The following COL4A3 variants were observed in gnomAD, a reference collection of about 807,000 sequenced individuals.
The protein encoded by COL4A3 is collagen alpha-3(IV) chain.
Under a neutral mutation model 217.4 loss-of-function variants are expected in COL4A3, and 135 were observed. The ratio of observed to expected loss-of-function variants is 0.62; its 90% CI spans 0.54 to 0.72. The LOEUF is 0.72. COL4A3 is among the 30% of genes least tolerant of loss of function. COL4A3 has a pLI of 0.00. For missense variants in COL4A3, 1,868 were observed against 2,119.9 expected (o/e 0.88, Z 2.33); for synonymous variants, 690 against 736.3 (o/e 0.94, Z 1.02).
chr2:227,195,044 C>A (rs1219514745), intron 1 of COL4A3, among the ~76,000 whole-genome samples: 1 of 151,854 alleles, frequency 6.6e-6, no homozygotes, highest in Non-Finnish European at 1.5e-5. Flanking sequence ...TATTAATTAC[C>A]CTTTGAGGAA....
At chr2:227,309,443 C>T in intron 50 of COL4A3, 125 bp downstream of exon 50, 2 of 747,948 alleles carry the variant, frequency 2.7e-6, no homozygotes, top group Non-Finnish European at 4.6e-6. Context: ...ATGCCATAGA[C>T]ATTTCCTTGA....
chr2:227,195,911 A>C (rs2066456579), intron 1 of COL4A3, among the ~76,000 whole-genome samples: 1 of 21,090 alleles, frequency 4.7e-5, no homozygotes, highest in South Asian at 1.6e-3. Flanking sequence ...TATTCTTAAC[A>C]AAAAAAGCTT....
chr2:227,220,165 T>TGTGTGTGTGTGTGTG (rs58155070), intron 1 of COL4A3, among the ~76,000 whole-genome samples: 1 of 147,242 alleles, frequency 6.8e-6, no homozygotes, highest in Non-Finnish European at 1.5e-5. Context: ...TGTGTGTGTG[T>TGTGTGTGTGTGTGTG]TTCAGAGACA....
intron 42 of COL4A3, 122 bp from the exon 43 acceptor site, chr2:227,298,560 G>C: frequency 7.2e-7 from 1 of 1,393,220 alleles, no homozygotes; most frequent in Non-Finnish European, 1.0e-6. Context: ...CATGCTCCAG[G>C]GGAAAGAATG....
chr2:227,182,925 A>G (rs927666635), intron 1 of COL4A3, among the ~76,000 whole-genome samples: 8 of 152,212 alleles, frequency 5.3e-5, no homozygotes, highest in African/African-American at 1.4e-4. Flanking sequence ...CAACTACTCT[A>G]ACATTTACTA....
Position 227,309,314 on chromosome 2 carries a change from T to C in COL4A3, c.4751T>C (p.Ile1584Thr). The change falls in exon 50 of 52, where the codon ATC becomes ACC. Residue 1584 changes from isoleucine to threonine, a missense_variant. Ile to Thr is a moderately conservative substitution (Grantham distance 89). This residue lies in a region of COL4A3 where 1,503 missense variants were observed against 1,786.1 expected (regional missense o/e 0.84). Coordinates refer to ENST00000396578, the MANE Select transcript of COL4A3 (RefSeq NM_000091.5). ...TCTCTCTGGAAAGGATTTTCATTCA[T>C]CATGGTGAGGAGAAAAGGAACAGGA... Reference protein sequence around the residue: ...WISLWKGFSFIMFTSAGSEGT... With the variant: ...WISLWKGFSFTMFTSAGSEGT... 6.2e-7 allele frequency: 1 copy of C among 1,611,762 alleles called. No individual in the cohort carries two copies. Among genetic ancestry groups the C allele is most frequent in the Non-Finnish European group, 8.5e-7 (1 of 1,178,032 alleles).
At position 227,248,492 on chromosome 2, in the gene COL4A3, C is replaced by A. The variant is rs2069490815; in HGVS notation, c.518C>A (p.Pro173His). ...EDIELDAKGD[P>H]GLPGAPGPQG... is the part of the protein sequence containing the mutation. ...ATAGAACTTGATGCAAAAGGCGACCCCGGGTTGCCAGGGGCTCCAGGACCC... is the reference window on the plus strand; with the variant it reads ...ATAGAACTTGATGCAAAAGGCGACCACGGGTTGCCAGGGGCTCCAGGACCC... Residue 173 changes from proline to histidine, a missense_variant, in exon 9 of 52, where the codon CCC (proline) becomes CAC (histidine). This residue lies in a region of COL4A3 where 365 missense variants were observed against 333.8 expected (regional missense o/e 1.09). Coordinates refer to ENST00000396578, the MANE Select transcript of COL4A3 (RefSeq NM_000091.5). 1 of 1,613,442 alleles carries A rather than the reference C, an allele frequency of 6.2e-7. No homozygotes were observed. The highest frequency in any genetic ancestry group is 8.5e-7 in the Non-Finnish European group (1 of 1,179,528).
rs1559909513 is a variant in COL4A3, at chr2:227,293,255, G to T, written c.3275G>T (p.Gly1092Val). 6.2e-7 allele frequency: 1 copy of T among 1,613,890 alleles called. No individual in the cohort carries two copies. The highest frequency in any genetic ancestry group is 8.5e-7 in the Non-Finnish European group (1 of 1,180,028). The change falls in exon 38 of 52, where the codon GGA (glycine) becomes GTA (valine). Residue 1092 changes from glycine (G) to valine (V), a missense_variant. Coordinates refer to ENST00000396578, the MANE Select transcript of COL4A3 (RefSeq NM_000091.5). ...KGEMGQPGPP[G>V]HLGPAGPEGA... The stretch of plus-strand genomic sequence containing the variant: ...GAAATGGGGCAACCTGGCCCACCTG[G>T]ACATTTGGGGCCTGCTGGACCTGAG...
chr2:227,252,212 C>CTTTTT (rs72162625), intron 11 of COL4A3, among the ~76,000 whole-genome samples: 7 of 82,834 alleles, frequency 8.5e-5, no homozygotes, highest in African/African-American at 1.3e-4. Flanking sequence ...TTCTTTCTTT[C>CTTTTT]TTTTTTTTTT....
chr2:227,231,224 A>T (rs1285764202), intron 1 of COL4A3, among the ~76,000 whole-genome samples: 1 of 152,196 alleles, frequency 6.6e-6, no homozygotes, highest in Non-Finnish European at 1.5e-5. Flanking sequence ...CAAGCCTTTC[A>T]CAATGGCTCT....
rs2065151365 is a variant in COL4A3 at position 227,164,795 on chromosome 2, G to C, written c.69G>C (p.Ala23=). Residue 23 remains alanine (A), a synonymous_variant, in exon 1 of 52, where the codon GCG becomes GCC. Transcript: ENST00000396578. This position sits in a 1 kb window ranked among gnomAD's most constrained non-coding sequence, Gnocchi z 4.8. Reference sequence around the variant, plus strand: ...CGCTCCTGCTGGTGCTCCTGGCGGCGGCGCCCGCAGCCAGCAAGGTGAGTG... The same window carrying C: ...CGCTCCTGCTGGTGCTCCTGGCGGCCGCGCCCGCAGCCAGCAAGGTGAGTG... ...LLPLLLVLLA[A]APAASKGCVC... 1.3e-6 allele frequency: 2 copies of C among 1,518,952 alleles called. No homozygotes were observed. The highest frequency in any genetic ancestry group is 1.8e-6 in the Non-Finnish European group (2 of 1,140,398). 94.1% of individuals were successfully genotyped at this position (1,518,952 alleles called of 1,614,324 possible). A position where few individuals can be genotyped will look rare whatever the true frequency, so the allele number is the denominator to read the frequency against.
At chr2:227,192,268 G>A (rs1180191868) in intron 1 of COL4A3, among the ~76,000 whole-genome samples, 1 of 152,148 alleles carries the variant, frequency 6.6e-6, no homozygotes, top group Non-Finnish European at 1.5e-5. Flanking sequence ...TTGTGAAGAA[G>A]GCTAAGTTTG....
rs769315462 is a variant in COL4A3 at position 227,267,139 on chromosome 2, C to T, written c.1504+51C>T. On this transcript the variant is annotated intron_variant, in intron 23 of 51. Coordinates refer to ENST00000396578, the MANE Select transcript of COL4A3 (RefSeq NM_000091.5). ...TTTTGCAAGCACAAAAGGGTCAATA[C>T]ACTGGAAGAAAATAAAGGCATTGGA... 3 of 1,299,906 alleles carry T rather than the reference C, an allele frequency of 2.3e-6. No individual in the cohort carries two copies. In the Admixed American group the frequency reaches 5.1e-5, roughly 22 times the overall value. The allele number at this position is 1,299,906 out of a possible 1,614,324, so 80.5% of individuals were successfully genotyped here. A position where few individuals can be genotyped will look rare whatever the true frequency, so the allele number is the denominator to read the frequency against.
At chr2:227,215,385 T>G (rs2067487897) in intron 1 of COL4A3, among the ~76,000 whole-genome samples, 1 of 152,218 alleles carries the variant, frequency 6.6e-6, no homozygotes. Context: ...TATGAGTTGC[T>G]GTAATATTCC....
intron 43 of COL4A3, among the ~76,000 whole-genome samples, chr2:227,299,796 A>T (rs1258410507): frequency 6.6e-6 from 1 of 152,076 alleles, no homozygotes. Flanking sequence ...TCTGTATGGG[A>T]CTCACCTCTA....
intron 1 of COL4A3, chr2:227,221,583 C>T (rs920729550): frequency 6.6e-6 from 1 of 152,178 alleles, no homozygotes; most frequent in Admixed American, 6.5e-5. Flanking sequence ...AAATCACCTC[C>T]TCAGGTGAGC....
chr2:227,227,404 C>A (rs555535698), intron 1 of COL4A3, among the ~76,000 whole-genome samples: 1 of 152,232 alleles, frequency 6.6e-6, no homozygotes, highest in East Asian at 1.9e-4. Flanking sequence ...TGAGACCAGC[C>A]TGGCCAACAT....
intron 1 of COL4A3, among the ~76,000 whole-genome samples, chr2:227,180,479 G>A (rs545443997): frequency 2.6e-5 from 4 of 152,298 alleles, no homozygotes; most frequent in Non-Finnish European, 5.9e-5. Flanking sequence ...ACCTGAATGA[G>A]CAGCATCCCC....
chr2:227,272,806 T>C, intron 25 of COL4A3, 143 bp from the exon 26 acceptor site: 1 of 913,788 alleles, frequency 1.1e-6, no homozygotes. Flanking sequence ...CTTACTTTAG[T>C]AATAATTCTC....
Sources: allele counts gnomAD v4.1 joint callset (sites outside exome capture counted in the v4.1 genomes callset), GRCh38; gene constraint gnomAD v4.1.1; regional missense constraint gnomAD v4.1.1; non-coding constraint Gnocchi (gnomAD v3.1); transcripts MANE v1.5; gene names NCBI Gene and HGNC (gene_info 2026-07-23, HGNC 2026-07-21).